Variants in CPED1 observed in about 807,000 individuals in gnomAD.
CPED1 encodes the protein cadherin like and PC-esterase domain containing 1.
Under a neutral mutation model 128.2 loss-of-function variants are expected in CPED1, and 114 were observed. The observed-to-expected ratio is 0.89, with a 90% confidence interval of 0.76 to 1.04. The LOEUF (loss-of-function observed/expected upper bound fraction) is 1.04. Among genes scored for constraint, CPED1 ranks in the 50% least tolerant of loss-of-function variants. The probability of loss-of-function intolerance (pLI) is 0.00; values close to 1 mark genes in which losing one functional copy is unlikely to be tolerated. For synonymous variants in CPED1, 462 were observed against 426.7 expected (o/e 1.08, Z -1.02); for missense variants, 1,211 against 1,207.1 (o/e 1.00, Z -0.05).
chr7:121,034,247 CTT>C (rs3067998), intron 3 of CPED1, among the ~76,000 whole-genome samples: 3 of 113,984 alleles, frequency 2.6e-5, no homozygotes, highest in Non-Finnish European at 5.1e-5. Flanking sequence ...GTTTTTTTTT[CTT>C]TTTTTTTTTT....
chr7:120,989,981 G>C, intron 2 of CPED1, 111 bp downstream of exon 2: 1 of 1,295,092 alleles, frequency 7.7e-7, no homozygotes, highest in Non-Finnish European at 1.1e-6. Context: ...AAGGGATCCA[G>C]AGTGTAAACA....
At chr7:121,198,265 C>CT (rs1004352675) in intron 16 of CPED1, among the ~76,000 whole-genome samples, 34 of 152,150 alleles carry the variant, frequency 2.2e-4, no homozygotes, top group African/African-American at 8.2e-4. Flanking sequence ...AATAAGAAGG[C>CT]TTTTTTATTC....
chr7:121,003,004 A>C (rs938625071), intron 2 of CPED1, among the ~76,000 whole-genome samples: 1 of 152,214 alleles, frequency 6.6e-6, no homozygotes, highest in African/African-American at 2.4e-5. Context: ...GGATCAGGGC[A>C]GAGACCAAGT....
At chr7:121,059,239 G>A (rs868008234) in intron 4 of CPED1, among the ~76,000 whole-genome samples, 1 of 152,192 alleles carries the variant, frequency 6.6e-6, no homozygotes, top group Non-Finnish European at 1.5e-5. Context: ...GTACATAGGA[G>A]TACTGAGAAC....
At position 121,067,150 on chromosome 7, in the gene CPED1, C is replaced by T. The variant is rs186842051; in HGVS notation, c.616+2837C>T. On this transcript the variant is annotated intron_variant, in intron 5 of 22. Coordinates refer to ENST00000310396, the MANE Select transcript of CPED1 (RefSeq NM_024913.5). Reference sequence around the variant, plus strand: ...TTTATATACTTTAAGTTTTAGGGTACATGTGCACAACGTGCAGGTTTGTTA... The same window carrying T: ...TTTATATACTTTAAGTTTTAGGGTATATGTGCACAACGTGCAGGTTTGTTA... Among the ~76,000 whole-genome samples the T allele has an allele frequency of 3.6e-3, 549 of 151,944 alleles. 1 individual carries two copies. Among genetic ancestry groups the T allele is most frequent in the Non-Finnish European group, 6.0e-3 (408 of 67,970 alleles).
chr7:121,125,952 GTGTTGT>G, intron 9 of CPED1, 60 bp downstream of exon 9: 1 of 1,199,196 alleles, frequency 8.3e-7, no homozygotes, highest in Non-Finnish European at 1.2e-6. Context: ...CAGTGTGTGT[GTGTTGT>G]TGTTGTTGTT....
intron 16 of CPED1, among the ~76,000 whole-genome samples, chr7:121,148,148 C>G (rs1267475411): frequency 6.6e-6 from 1 of 152,094 alleles, no homozygotes; most frequent in Non-Finnish European, 1.5e-5. Flanking sequence ...GTTACCTTGC[C>G]TACTTCAATT....
chr7:121,176,188 C>T (rs1018033536), intron 16 of CPED1, among the ~76,000 whole-genome samples: 9 of 126,304 alleles, frequency 7.1e-5, no homozygotes, highest in African/African-American at 2.2e-4. Flanking sequence ...CCATCCTCCC[C>T]GCTGGAAAAA....
intron 16 of CPED1, among the ~76,000 whole-genome samples, chr7:121,160,454 A>T (rs1009672117): frequency 6.6e-6 from 1 of 152,130 alleles, no homozygotes; most frequent in Non-Finnish European, 1.5e-5. Context: ...TGTCCCCCCA[A>T]CCTGCTCCCA....
chr7:121,201,037 A>G (rs1170336495), intron 16 of CPED1, among the ~76,000 whole-genome samples: 2 of 152,064 alleles, frequency 1.3e-5, no homozygotes, highest in African/African-American at 4.8e-5. Context: ...TCACTGTAAC[A>G]TGTGTGGGTG....
At chr7:121,291,798 C>G (rs1792708884) in intron 22 of CPED1, among the ~76,000 whole-genome samples, 1 of 152,210 alleles carries the variant, frequency 6.6e-6, no homozygotes, top group Non-Finnish European at 1.5e-5. Context: ...TTATTTCTTT[C>G]TCTTGCCTGA....
At chr7:121,167,775 A>G (rs550359198) in intron 16 of CPED1, among the ~76,000 whole-genome samples, 17 of 131,118 alleles carry the variant, frequency 1.3e-4, no homozygotes, top group Non-Finnish European at 1.7e-4. Context: ...TCTGTTGCCC[A>G]GGCTGGAGTG....
chr7:121,159,167 CA>C (rs1240947271), intron 16 of CPED1, among the ~76,000 whole-genome samples: 1 of 152,030 alleles, frequency 6.6e-6, no homozygotes, highest in African/African-American at 2.4e-5. Context: ...TATTCGACTT[CA>C]AAAGTTGCTT....
At chr7:121,161,521 A>G (rs1480725610) in intron 16 of CPED1, among the ~76,000 whole-genome samples, 4 of 152,204 alleles carry the variant, frequency 2.6e-5, no homozygotes, top group South Asian at 2.1e-4. Flanking sequence ...TTTAAGGTCA[A>G]CTGATTTGGG....
At chr7:121,284,598 G>A (rs1792527949) in intron 22 of CPED1, among the ~76,000 whole-genome samples, 1 of 152,124 alleles carries the variant, frequency 6.6e-6, no homozygotes, top group Non-Finnish European at 1.5e-5. Context: ...TTCCAAAGGG[G>A]ATAAATTGGC....
intron 3 of CPED1, among the ~76,000 whole-genome samples, chr7:121,036,630 A>G (rs1390240226): frequency 6.6e-6 from 1 of 151,442 alleles, no homozygotes; most frequent in African/African-American, 2.4e-5. Flanking sequence ...TCATATAATG[A>G]CTTCTTTTCC....
At chr7:121,240,969 G>A (rs1798378223) in intron 17 of CPED1, among the ~76,000 whole-genome samples, 1 of 152,106 alleles carries the variant, frequency 6.6e-6, no homozygotes, top group Non-Finnish European at 1.5e-5. Flanking sequence ...AGATGTGGAG[G>A]AGGTTGGTTA....
At chr7:121,265,560 G>T (rs1003754862) in intron 18 of CPED1, among the ~76,000 whole-genome samples, 2 of 152,178 alleles carry the variant, frequency 1.3e-5, no homozygotes, top group South Asian at 2.1e-4. Flanking sequence ...CAGCAATATT[G>T]TGTGTAGAAT....
At chr7:121,070,029 A>G (rs1409775861) in intron 5 of CPED1, among the ~76,000 whole-genome samples, 2 of 152,016 alleles carry the variant, frequency 1.3e-5, no homozygotes, top group Non-Finnish European at 2.9e-5. Context: ...ACATTTTAGG[A>G]TTTGTGTCCT....
Sources: allele counts gnomAD v4.1 joint callset (sites outside exome capture counted in the v4.1 genomes callset), GRCh38; gene constraint gnomAD v4.1.1; transcripts MANE v1.5; gene names NCBI Gene and HGNC (gene_info 2026-07-23, HGNC 2026-07-21).